Variants in AMOTL1 observed in about 807,000 individuals in gnomAD.
AMOTL1 encodes the protein angiomotin-like protein 1.
A neutral mutation model predicts 102.9 loss-of-function variants in AMOTL1; 45 were observed. The ratio of observed to expected loss-of-function variants is 0.44; its 90% confidence interval spans 0.34 to 0.56. AMOTL1 has a LOEUF of 0.56. AMOTL1 is among the 20% of genes least tolerant of loss of function. The probability of loss-of-function intolerance (pLI) is 0.01; values close to 1 mark genes in which losing one functional copy is unlikely to be tolerated. For missense variants in AMOTL1, 1,114 were observed against 1,225.6 expected, an observed-to-expected ratio of 0.91 and a Z score of 1.36; for synonymous variants, 481 against 484.7, an observed-to-expected ratio of 0.99 and a Z score of 0.10.
At chr11:94,747,910 C>T (rs1048426275) in intron 3 of AMOTL1, among the ~76,000 whole-genome samples, 2 of 152,172 alleles carry the variant, frequency 1.3e-5, no homozygotes, top group African/African-American at 4.8e-5. Flanking sequence ...CCTCATTTTC[C>T]AAGGGTAAGA....
chr11:94,804,593 A>T (rs1040966037), intron 3 of AMOTL1, among the ~76,000 whole-genome samples: 1 of 152,194 alleles, frequency 6.6e-6, no homozygotes, highest in Admixed American at 6.5e-5. Context: ...CCTGCCTGCA[A>T]ATAGTCTTAA....
intron 2 of AMOTL1, chr11:94,740,838 C>G: frequency 4.0e-6 from 4 of 991,538 alleles, no homozygotes; most frequent in Non-Finnish European, 5.6e-6. Context: ...GAGAGAGAAG[C>G]CCGCGCTTTT....
At chr11:94,803,043 A>C (rs539477355) in intron 3 of AMOTL1, among the ~76,000 whole-genome samples, 1 of 152,194 alleles carries the variant, frequency 6.6e-6, no homozygotes. Flanking sequence ...GACGCCTCTG[A>C]TGGAGATCAT....
upstream of AMOTL1, chr11:94,768,226 G>T (rs1591945118): frequency 8.8e-7 from 1 of 1,142,250 alleles, no homozygotes; most frequent in Non-Finnish European, 1.1e-6. Context: ...GGCGGCGGGT[G>T]TCTGCAGACG....
At chr11:94,722,827 T>C (rs985371492) in intron 1 of AMOTL1, among the ~76,000 whole-genome samples, 10 of 152,156 alleles carry the variant, frequency 6.6e-5, no homozygotes, top group African/African-American at 1.9e-4. Context: ...AATTCAAAGA[T>C]GGAAGAATAA....
intron 1 of AMOTL1, among the ~76,000 whole-genome samples, chr11:94,773,632 A>G (rs1950984420): frequency 6.6e-6 from 1 of 152,222 alleles, no homozygotes. Flanking sequence ...ATGCTGCCCA[A>G]CCATGGTGGG....
intron 3 of AMOTL1, among the ~76,000 whole-genome samples, chr11:94,818,542 A>G (rs1312256229): frequency 6.6e-6 from 1 of 152,216 alleles, no homozygotes; most frequent in Admixed American, 6.5e-5. Context: ...GTATAGTAAG[A>G]CCAACAGTTA....
At chr11:94,748,321 T>C (rs1179627954) in intron 3 of AMOTL1, among the ~76,000 whole-genome samples, 1 of 152,204 alleles carries the variant, frequency 6.6e-6, no homozygotes, top group Non-Finnish European at 1.5e-5. Flanking sequence ...TTCTAGTCCA[T>C]AGACGAGGGA....
intron 7 of AMOTL1, 148 bp from the exon 8 acceptor site, chr11:94,853,785 C>T: frequency 1.3e-6 from 1 of 793,126 alleles, no homozygotes; most frequent in Non-Finnish European, 2.0e-6. Flanking sequence ...TGTTCCAGTG[C>T]ACTTGAAGGA....
At chr11:94,712,241 G>A (rs138529218) in intron 1 of AMOTL1, among the ~76,000 whole-genome samples, 207 of 152,022 alleles carry the variant, frequency 1.4e-3, no homozygotes, top group African/African-American at 4.8e-3. Flanking sequence ...TTCCTCTTCA[G>A]TAAAATGTCT....
chr11:94,857,475 G>T (rs1402516328), intron 8 of AMOTL1, among the ~76,000 whole-genome samples: 1 of 152,144 alleles, frequency 6.6e-6, no homozygotes, highest in African/African-American at 2.4e-5. Context: ...TTAATCAACA[G>T]TTCCTGTTTT....
chr11:94,753,785 C>G (rs1207187765), intron 3 of AMOTL1, among the ~76,000 whole-genome samples: 2 of 152,204 alleles, frequency 1.3e-5, no homozygotes, highest in African/African-American at 4.8e-5. Context: ...TAATTTGTGA[C>G]TAGGTATGTT....
upstream of AMOTL1, among the ~76,000 whole-genome samples, chr11:94,767,274 A>AT (rs1950866499): frequency 6.6e-6 from 1 of 152,166 alleles, no homozygotes; most frequent in South Asian, 2.1e-4. Context: ...TTCATAAATA[A>AT]TTGTTAAATG....
At chr11:94,830,226 T>C in intron 5 of AMOTL1, 32 bp downstream of exon 5, 1 of 1,565,308 alleles carries the variant, frequency 6.4e-7, no homozygotes, top group Non-Finnish European at 8.6e-7. Flanking sequence ...CTATCTAAAC[T>C]ACCTGTAGAG....
At chr11:94,841,719 C>G (rs560774946) in intron 6 of AMOTL1, among the ~76,000 whole-genome samples, 11 of 152,300 alleles carry the variant, frequency 7.2e-5, no homozygotes, top group Non-Finnish European at 1.0e-4. Context: ...CATTTGGAAG[C>G]TGAGCTGGAT....
In AMOTL1 at chr11:94,799,944, G is replaced by A. The variant is rs755434126; in HGVS notation, c.754G>A (p.Glu252Lys). The change falls in exon 3 of 13, where the codon GAA (glutamate) becomes AAA (lysine). Residue 252 changes from glutamate (E) to lysine (K), a missense_variant. Glu to Lys is a moderately conservative substitution (Grantham distance 56). Transcript: ENST00000433060. This position sits in a 1 kb window ranked among gnomAD's most constrained non-coding sequence, Gnocchi z 4.5. ...GGCGCATAAGGACGAGGCGCTGAAG[G>A]AACTGAAGCAGGGCCACGTCCGCTC... ...GQAHKDEALK[E>K]LKQGHVRSLS... 1 of 1,613,794 alleles carries A rather than the reference G, an allele frequency of 6.2e-7. No individual in the cohort carries two copies. The highest frequency in any genetic ancestry group is 2.2e-5 in the East Asian group (1 of 44,882).
chr11:94,817,448 T>G (rs1234456975), intron 3 of AMOTL1, among the ~76,000 whole-genome samples: 1 of 152,166 alleles, frequency 6.6e-6, no homozygotes, highest in African/African-American at 2.4e-5. Context: ...CAGGAAGTAG[T>G]GTCAAATATG....
At chr11:94,809,471 G>T (rs1951632189) in intron 3 of AMOTL1, among the ~76,000 whole-genome samples, 1 of 152,208 alleles carries the variant, frequency 6.6e-6, no homozygotes, top group African/African-American at 2.4e-5. Context: ...GGTTGTGCAT[G>T]GCATTGCATT....
chr11:94,741,384 C>A (rs1013888009), intron 3 of AMOTL1, among the ~76,000 whole-genome samples: 8 of 152,158 alleles, frequency 5.3e-5, no homozygotes, highest in Non-Finnish European at 1.2e-4. Context: ...TTCTGACTTG[C>A]CAAGTACCTG....
Sources: allele counts gnomAD v4.1 joint callset (sites outside exome capture counted in the v4.1 genomes callset), GRCh38; gene constraint gnomAD v4.1.1; non-coding constraint Gnocchi (gnomAD v3.1); transcripts MANE v1.5; gene names NCBI Gene and HGNC (gene_info 2026-07-23, HGNC 2026-07-21).